PCDHA7: variants seen among roughly 807,000 people sequenced by gnomAD.
PCDHA7 encodes the protein protocadherin alpha-7.
A neutral mutation model predicts 57.2 loss-of-function variants in PCDHA7; 37 were observed. The observed-to-expected ratio is 0.65, with a 90% confidence interval of 0.50 to 0.85. PCDHA7 has a LOEUF of 0.85. Ranked by LOEUF, PCDHA7 falls within the 40% of genes least tolerant of loss-of-function variation. The pLI, the probability that PCDHA7 is intolerant of heterozygous loss-of-function variation, is 0.00. For missense variants in PCDHA7, 1,188 were observed against 1,241.8 expected, an observed-to-expected ratio of 0.96 and a Z score of 0.65; for synonymous variants, 553 against 558.8, an observed-to-expected ratio of 0.99 and a Z score of 0.15.
At chr5:140,906,942 A>G (rs2073059599) in intron 1 of PCDHA7, among the ~76,000 whole-genome samples, 1 of 152,146 alleles carries the variant, frequency 6.6e-6, no homozygotes, top group Admixed American at 6.5e-5. Context: ...TGTCAATCTT[A>G]ATTTCCAGTT....
At chr5:140,880,010 A>G (rs958851507) in intron 1 of PCDHA7, among the ~76,000 whole-genome samples, 1 of 152,232 alleles carries the variant, frequency 6.6e-6, no homozygotes, top group African/African-American at 2.4e-5. Flanking sequence ...TATTCACCAT[A>G]TAAAGTAAAA....
Position 140,941,218 on chromosome 5 carries a change from T to C in PCDHA7, c.2356-37731T>C, listed in dbSNP as rs552463058. ...TTCTTTCTTCCTTTCTTTCTTCCTT[T>C]CTTTCTTTCTTTCTTTCTTTCTTTC... On this transcript the variant is annotated intron_variant, in intron 1 of 3. Transcript: ENST00000525929. 5.6e-5 allele frequency among the ~76,000 whole-genome samples: 7 copies of C among 125,730 alleles called. No homozygotes were observed. In the South Asian group the frequency reaches 7.6e-4, roughly 14 times the overall value. 82.5% of individuals were successfully genotyped at this position (125,730 alleles called of 152,430 possible). A position where few individuals can be genotyped will look rare whatever the true frequency, so the allele number is the denominator to read the frequency against.
rs745800805 is a variant in PCDHA7, at chr5:140,935,890, T to C, written c.2356-43059T>C. 2.5e-4 allele frequency among the ~76,000 whole-genome samples: 34 copies of C among 135,750 alleles called. 1 individual carries two copies. Among genetic ancestry groups the C allele is most frequent in the Non-Finnish European group, 4.4e-4 (27 of 61,954 alleles). 89.1% of individuals were successfully genotyped at this position (135,750 alleles called of 152,430 possible). A position where few individuals can be genotyped will look rare whatever the true frequency, so the allele number is the denominator to read the frequency against. On this transcript the variant is annotated intron_variant, in intron 1 of 3. Coordinates refer to ENST00000525929, the MANE Select transcript of PCDHA7 (RefSeq NM_018910.3). ...ATTAATGAGCTCCAATTTATCAATA[T>C]TATCTTTTTTTTTTTTTTTTGAGAC...
intron 1 of PCDHA7, among the ~76,000 whole-genome samples, chr5:140,924,668 G>T (rs2081943079): frequency 6.6e-6 from 1 of 152,142 alleles, no homozygotes; most frequent in Non-Finnish European, 1.5e-5. Context: ...GCCGAGGCAG[G>T]CCAATCACTT....
chr5:140,851,517 A>T, intron 1 of PCDHA7: 3 of 904,862 alleles, frequency 3.3e-6, no homozygotes, highest in Non-Finnish European at 4.0e-6. Context: ...AATATGTTTT[A>T]AAATGCCTGA....
chr5:140,870,221 T>C (rs1554163925), intron 1 of PCDHA7: 2 of 1,614,012 alleles, frequency 1.2e-6, no homozygotes, highest in Admixed American at 3.3e-5. Context: ...CTGATCAGCG[T>C]GTCTGACCGT....
chr5:140,904,156 G>C (rs1554191312), intron 1 of PCDHA7, among the ~76,000 whole-genome samples: 1 of 152,028 alleles, frequency 6.6e-6, no homozygotes, highest in Non-Finnish European at 1.5e-5. Flanking sequence ...ATTGCACCCA[G>C]TTTGTAGTCT....
rs144694616 is a variant in PCDHA7, at chr5:140,836,586, G to A, written c.2203G>A (p.Val735Ile). The part of the protein sequence containing the change: ...APSSEGACSL[V>I]KPTLVCSSAV... Reference sequence around the variant, plus strand: ...GTCCTCTGAGGGCGCATGTAGTTTGGTAAAGCCCACTCTGGTGTGCTCCAG... The same window carrying A: ...GTCCTCTGAGGGCGCATGTAGTTTGATAAAGCCCACTCTGGTGTGCTCCAG... Residue 735 changes from valine (V) to isoleucine (I), a missense_variant, in exon 1 of 4, where the codon GTA (valine) becomes ATA (isoleucine). Val to Ile is a conservative substitution (Grantham distance 29). This residue lies in a region of PCDHA7 where 892 missense variants were observed against 788.5 expected (regional missense o/e 1.13). Coordinates refer to ENST00000525929, the MANE Select transcript of PCDHA7 (RefSeq NM_018910.3). The A allele has an allele frequency of 3.1e-6, 5 of 1,613,634 alleles. 1 individual carries two copies. The highest frequency in any genetic ancestry group is 4.2e-6 in the Non-Finnish European group (5 of 1,179,854).
At chr5:140,884,068 T>A (rs1554181200) in intron 1 of PCDHA7, 1 of 1,613,416 alleles carries the variant, frequency 6.2e-7, no homozygotes. Context: ...TGGACGCCGA[T>A]TCGGGCTACA....
At chr5:140,870,441 C>T in intron 1 of PCDHA7, 2 of 1,614,224 alleles carry the variant, frequency 1.2e-6, no homozygotes, top group South Asian at 1.1e-5. Context: ...AGGTGGCCGA[C>T]GTGAACGACA....
intron 1 of PCDHA7, among the ~76,000 whole-genome samples, chr5:140,846,775 G>A (rs1476675003): frequency 6.7e-6 from 1 of 149,304 alleles, no homozygotes; most frequent in East Asian, 1.9e-4. Context: ...ATCATGTCAG[G>A]AATTATTACT....
At chr5:140,983,739 G>A (rs983923811) in intron 3 of PCDHA7, among the ~76,000 whole-genome samples, 1 of 152,194 alleles carries the variant, frequency 6.6e-6, no homozygotes, top group African/African-American at 2.4e-5. Context: ...TGGCTGGCTT[G>A]CAATAATCCA....
At chr5:140,967,060 G>T in intron 1 of PCDHA7, 1 of 1,612,802 alleles carries the variant, frequency 6.2e-7, no homozygotes, top group Non-Finnish European at 8.5e-7. Flanking sequence ...CGAGTGGAGC[G>T]CTCTTCGTCA....
rs1319911388 is a variant in PCDHA7, at chr5:140,842,060, T to C, written c.2355+5322T>C. 10 of 1,613,880 alleles carry C rather than the reference T, an allele frequency of 6.2e-6. No homozygotes were observed. The East Asian group carries it at 8.9e-5, about 14-fold the overall frequency. Reference sequence around the variant, plus strand: ...TGCTCCCACTTTCGAACAGTCTGAATACGAAGTAAGAATATTCGAAAACGC... The same window carrying C: ...TGCTCCCACTTTCGAACAGTCTGAACACGAAGTAAGAATATTCGAAAACGC... On this transcript the variant is annotated intron_variant, in intron 1 of 3. Transcript: ENST00000525929.
Position 141,009,711 on chromosome 5 carries a change from C to G in PCDHA7, c.2588C>G (p.Pro863Arg), listed in dbSNP as rs575518914. Reference sequence around the variant, plus strand: ...ACCTTTAAATACGGACCAGGCAACCCCAAACAATCCGGTCCCGGTGAGTTG... The same window carrying G: ...ACCTTTAAATACGGACCAGGCAACCGCAAACAATCCGGTCCCGGTGAGTTG... The part of the protein sequence containing the change: ...SWTFKYGPGN[P>R]KQSGPGELPD... Residue 863 changes from proline to arginine, a missense_variant, in exon 4 of 4, where the codon CCC (proline) becomes CGC (arginine). Transcript: ENST00000525929. The G allele has an allele frequency of 6.2e-6, 10 of 1,613,982 alleles. No homozygotes were observed. Among genetic ancestry groups the G allele is most frequent in the Non-Finnish European group, 8.5e-6 (10 of 1,180,036 alleles).
intron 1 of PCDHA7, among the ~76,000 whole-genome samples, chr5:140,954,817 T>G (rs1461497595): frequency 1.3e-5 from 2 of 152,224 alleles, no homozygotes; most frequent in Non-Finnish European, 2.9e-5. Flanking sequence ...TGAAATTGCT[T>G]TAGGCACTTT....
chr5:140,931,907 G>A (rs573618162), intron 1 of PCDHA7, among the ~76,000 whole-genome samples: 107 of 151,900 alleles, frequency 7.0e-4, no homozygotes, highest in Middle Eastern at 3.5e-3. Context: ...CATTTGAAAA[G>A]CATGACATTT....
chr5:140,863,164 G>A, intron 1 of PCDHA7: 2 of 661,250 alleles, frequency 3.0e-6, no homozygotes, highest in Non-Finnish European at 5.5e-6. Flanking sequence ...CTGCGAGCTG[G>A]CGCTGACTGC....
intron 1 of PCDHA7, among the ~76,000 whole-genome samples, chr5:140,893,033 A>G (rs1246631946): frequency 1.3e-5 from 2 of 152,230 alleles, no homozygotes; most frequent in African/African-American, 2.4e-5. Flanking sequence ...TTCACTTAAC[A>G]TATGCCCTCC....
Sources: gnomAD v4.1 joint callset for allele counts (sites outside exome capture counted in the v4.1 genomes callset) on GRCh38, gnomAD v4.1.1 for gene constraint, gnomAD v4.1.1 regional missense constraint, MANE v1.5 for transcripts, NCBI Gene and HGNC (gene_info 2026-07-23, HGNC 2026-07-21) for gene names.